KLHL7: variants seen among roughly 807,000 people sequenced by gnomAD.
KLHL7 encodes kelch-like protein 7.
In KLHL7, 44 loss-of-function variants were observed where a neutral mutation model predicts 67.4. That is an observed-to-expected ratio of 0.65 (90% CI 0.51 to 0.84). KLHL7 has a LOEUF of 0.84. KLHL7 is among the 40% of genes least tolerant of loss of function. The probability of loss-of-function intolerance (pLI) is 0.00; values close to 1 mark genes in which losing one functional copy is unlikely to be tolerated. For synonymous variants in KLHL7, 252 were observed against 243.3 expected (o/e 1.04, Z -0.33); for missense variants, 362 against 718.1 (o/e 0.50, Z 5.67).
chr7:23,106,568 T>C, intron 1 of KLHL7: 1 of 1,050,530 alleles, frequency 9.5e-7, no homozygotes, highest in Non-Finnish European at 1.2e-6. Flanking sequence ...GTTGCTGGCC[T>C]GACATCAGCT....
At chr7:23,123,937 T>C in intron 2 of KLHL7, 58 bp downstream of exon 2, 1 of 1,138,866 alleles carries the variant, frequency 8.8e-7, no homozygotes, top group Non-Finnish European at 1.3e-6. Flanking sequence ...AAGTAAAATC[T>C]AAAAGAGAAT....
At chr7:23,124,181 ACT>A (rs1427074391) in intron 2 of KLHL7, among the ~76,000 whole-genome samples, 1 of 102,466 alleles carries the variant, frequency 9.8e-6, no homozygotes, top group Non-Finnish European at 1.8e-5. Context: ...TCAGAGCGAG[ACT>A]CTGTCTCAAA....
At chr7:23,145,294 C>T (rs1784322247) in intron 6 of KLHL7, among the ~76,000 whole-genome samples, 1 of 149,486 alleles carries the variant, frequency 6.7e-6, no homozygotes, top group African/African-American at 2.5e-5. Flanking sequence ...TGATTTTTTT[C>T]AACCCTTTTA....
intron 7 of KLHL7, among the ~76,000 whole-genome samples, chr7:23,159,198 G>A (rs1352316198): frequency 6.6e-6 from 1 of 152,076 alleles, no homozygotes; most frequent in Admixed American, 6.5e-5. Context: ...TTTAAAACAG[G>A]GTCTTCCTCT....
At chr7:23,116,154 T>C (rs1178743330) in intron 1 of KLHL7, among the ~76,000 whole-genome samples, 1 of 152,230 alleles carries the variant, frequency 6.6e-6, no homozygotes, top group Non-Finnish European at 1.5e-5. Flanking sequence ...TTCTGCACTT[T>C]TGTGTGCCCA....
chr7:23,129,899 G>T, intron 4 of KLHL7: 1 of 153,554 alleles, frequency 6.5e-6, no homozygotes. Flanking sequence ...GGATTTAGAG[G>T]CTCCTTTTCC....
At position 23,172,901 on chromosome 7, in the gene KLHL7, C is replaced by A. The variant is rs765943290; in HGVS notation, c.1380-47C>A. The A allele has an allele frequency of 4.4e-6, 6 of 1,360,880 alleles. No homozygotes were observed. In the East Asian group the frequency reaches 6.9e-5, roughly 16 times the overall value. 84.3% of individuals were successfully genotyped at this position (1,360,880 alleles called of 1,614,324 possible). On this transcript the variant is annotated intron_variant, in intron 9 of 10. Transcript: ENST00000339077. The stretch of plus-strand genomic sequence containing the variant: ...TAGACCTTTCTCATTAGTATGAGTT[C>A]TTTTACTTCCTGTAAACAAGCACAC...
At chr7:23,150,965 T>C (rs572844776) in intron 6 of KLHL7, among the ~76,000 whole-genome samples, 53 of 152,272 alleles carry the variant, frequency 3.5e-4, no homozygotes, top group African/African-American at 1.2e-3. Flanking sequence ...TATAAATTAA[T>C]AAAGTGTCTT....
At chr7:23,149,308 AAG>A (rs2128466284) in intron 6 of KLHL7, among the ~76,000 whole-genome samples, 1 of 152,310 alleles carries the variant, frequency 6.6e-6, no homozygotes, top group East Asian at 1.9e-4. Flanking sequence ...GAGGAAAAAA[AAG>A]GCCCATTAGT....
At chr7:23,147,543 G>T (rs1231813022) in intron 6 of KLHL7, among the ~76,000 whole-genome samples, 1 of 152,096 alleles carries the variant, frequency 6.6e-6, no homozygotes, top group East Asian at 1.9e-4. Flanking sequence ...TGGTTCTATT[G>T]ACTTATTTCT....
At chr7:23,106,541 C>A in intron 1 of KLHL7, 8 of 1,079,278 alleles carry the variant, frequency 7.4e-6, no homozygotes, top group Non-Finnish European at 9.0e-6. Context: ...CAAACCGAAG[C>A]CCCCAAAGGG....
chr7:23,129,293 G>A, intron 4 of KLHL7: 1 of 276,950 alleles, frequency 3.6e-6, no homozygotes, highest in Non-Finnish European at 7.1e-6. Flanking sequence ...CACCTCTCCA[G>A]CAGGGACTGC....
chr7:23,173,099 C>A lies in KLHL7; in HGVS notation c.1477+54C>A. ...TTCCTGATGAGTTTGCTGATACTTC[C>A]TTAAATTATTGAAGCATTTTTAAAA... On this transcript the variant is annotated intron_variant, in intron 10 of 10. Coordinates refer to ENST00000339077, the MANE Select transcript of KLHL7 (RefSeq NM_001031710.3). 10 of 1,224,440 alleles carry A rather than the reference C, an allele frequency of 8.2e-6. No homozygotes were observed. In the South Asian group the frequency reaches 1.1e-4, roughly 13 times the overall value. The allele number at this position is 1,224,440 out of a possible 1,614,324, so 75.8% of individuals were successfully genotyped here. A position where few individuals can be genotyped will look rare whatever the true frequency, so the allele number is the denominator to read the frequency against.
Position 23,125,165 on chromosome 7 carries a change from T to C in KLHL7, c.435T>C (p.Asn145=). 1 of 1,613,332 alleles carries C rather than the reference T, an allele frequency of 6.2e-7. No individual in the cohort carries two copies. Residue 145 remains asparagine, a synonymous_variant, in exon 4 of 11, where the codon AAT becomes AAC. Transcript: ENST00000339077. ...DFLKEQVDAS[N]CLGISVLAEC... is the part of the protein sequence containing the mutation. ...TGAAAGAACAAGTTGATGCTTCAAA[T>C]TGTCTTGGTAAGAAATATCAGATTC...
Position 23,165,892 on chromosome 7 carries a change from A to T in KLHL7, c.1131A>T (p.Ala377=). 1 of 1,614,186 alleles carries T rather than the reference A, an allele frequency of 6.2e-7. No homozygotes were observed. The highest frequency in any genetic ancestry group is 8.5e-7 in the Non-Finnish European group (1 of 1,179,998). ...CGACACCTCGAGACAGCCTTGCTGC[A>T]TGTGCTGCAGAAGGCAAAATTTATA... The part of the protein sequence containing the change: ...GPPTPRDSLA[A]CAAEGKIYTS... Residue 377 remains alanine (A), a synonymous_variant, in exon 8 of 11, where the codon GCA becomes GCT. Transcript: ENST00000339077.
At chr7:23,121,914 C>A (rs1429096298) in intron 1 of KLHL7, among the ~76,000 whole-genome samples, 5 of 152,048 alleles carry the variant, frequency 3.3e-5, no homozygotes, top group African/African-American at 1.2e-4. Context: ...AATCTGCTGA[C>A]CTTGTGATCC....
In KLHL7 at chr7:23,106,023, G is replaced by T; in HGVS notation, c.-4G>T. The stretch of plus-strand genomic sequence containing the variant: ...GCCCCGGGCGTGAACCGAGCTGAGG[G>T]AGGATGGCAGCCTCTGGGGTGGAGA... On this transcript the variant is annotated 5_prime_UTR_variant, in exon 1 of 11. Coordinates refer to ENST00000339077, the MANE Select transcript of KLHL7 (RefSeq NM_001031710.3). 1.9e-6 allele frequency: 3 copies of T among 1,609,860 alleles called. No homozygotes were observed. Among genetic ancestry groups the T allele is most frequent in the Non-Finnish European group, 1.7e-6 (2 of 1,178,820 alleles).
At chr7:23,141,579 T>TCTAAGGTTTAA in intron 5 of KLHL7, among the ~76,000 whole-genome samples, 1 of 151,872 alleles carries the variant, frequency 6.6e-6, no homozygotes, top group African/African-American at 2.4e-5. Flanking sequence ...TTGCAGTCAT[T>TCTAAGGTTTAA]TGGGAGCTGG....
intron 5 of KLHL7, among the ~76,000 whole-genome samples, chr7:23,141,675 T>C (rs1038601068): frequency 6.6e-6 from 1 of 151,966 alleles, no homozygotes; most frequent in Non-Finnish European, 1.5e-5. Flanking sequence ...CAGGCTGGAA[T>C]GCAGTGGCGT....
Sources: allele counts gnomAD v4.1 joint callset (sites outside exome capture counted in the v4.1 genomes callset), GRCh38; gene constraint gnomAD v4.1.1; transcripts MANE v1.5; gene names NCBI Gene and HGNC (gene_info 2026-07-23, HGNC 2026-07-21).